Variants in PTPRQ observed in about 807,000 individuals in gnomAD.
PTPRQ encodes the protein phosphatidylinositol phosphatase PTPRQ.
A neutral mutation model predicts 246.0 loss-of-function variants in PTPRQ; 199 were observed. The ratio of observed to expected loss-of-function variants is 0.81; its 90% CI spans 0.72 to 0.91. The LOEUF is 0.91. PTPRQ is among the 40% of genes least tolerant of loss of function. The pLI, the probability that PTPRQ is intolerant of heterozygous loss-of-function variation, is 0.00. For missense variants in PTPRQ, 2,624 were observed against 2,528.4 expected (o/e 1.04, Z -0.81); for synonymous variants, 869 against 853.2 (o/e 1.02, Z -0.32).
At chr12:80,521,054 T>C (rs1221610481) in intron 17 of PTPRQ, among the ~76,000 whole-genome samples, 2 of 152,104 alleles carry the variant, frequency 1.3e-5, no homozygotes, top group Non-Finnish European at 2.9e-5. Flanking sequence ...ATCACCATTC[T>C]AACTGGTGTG....
At chr12:80,613,505 A>T in intron 28 of PTPRQ, 87 bp from the exon 29 acceptor site, 1 of 1,337,460 alleles carries the variant, frequency 7.5e-7, no homozygotes, top group Non-Finnish European at 1.0e-6. Context: ...ACTCTTTAAA[A>T]ACAGAAGTTC....
chr12:80,665,363 A>G (rs1342286299), intron 39 of PTPRQ, among the ~76,000 whole-genome samples: 1 of 152,046 alleles, frequency 6.6e-6, no homozygotes, highest in Non-Finnish European at 1.5e-5. Flanking sequence ...GATGTCATCC[A>G]ATTTTCATGA....
intron 38 of PTPRQ, among the ~76,000 whole-genome samples, chr12:80,655,771 A>T (rs1006138223): frequency 6.6e-6 from 1 of 152,210 alleles, no homozygotes; most frequent in African/African-American, 2.4e-5. Context: ...TTTTAATAGA[A>T]TTTGAATTTT....
chr12:80,512,871 A>G (rs748031654), intron 17 of PTPRQ: 3 of 152,010 alleles, frequency 2.0e-5, no homozygotes, highest in Non-Finnish European at 4.4e-5. Context: ...GGGAATCTCA[A>G]ATCCGTGATA....
chr12:80,634,020 C>T (rs1039010322), intron 34 of PTPRQ, among the ~76,000 whole-genome samples: 1 of 152,218 alleles, frequency 6.6e-6, no homozygotes, highest in South Asian at 2.1e-4. Context: ...CCTCCTCCTT[C>T]TCATCCTGGG....
In PTPRQ at chr12:80,669,092, C is replaced by A. The variant is rs1900881207; in HGVS notation, c.6278C>A (p.Thr2093Asn). ...VGDFWRMVWE[T>N]RAKTLVMLTQ... ...GATTTTTGGAGAATGGTGTGGGAAA[C>A]CAGAGCAAAAACATTAGTAATGCTA... Residue 2093 changes from threonine to asparagine, a missense_variant, in exon 40 of 45, where the codon ACC (threonine) becomes AAC (asparagine). Physicochemically the swap from Thr to Asn is moderately conservative, Grantham distance 65 (BLOSUM62 0). Coordinates refer to ENST00000644991, the MANE Select transcript of PTPRQ (RefSeq NM_001145026.2). 4 of 1,550,000 alleles carry A rather than the reference C, an allele frequency of 2.6e-6. No homozygotes were observed. Among genetic ancestry groups the A allele is most frequent in the Non-Finnish European group, 3.5e-6 (4 of 1,145,962 alleles).
chr12:80,616,902 T>A (rs554936852), intron 30 of PTPRQ, among the ~76,000 whole-genome samples: 1 of 151,294 alleles, frequency 6.6e-6, no homozygotes, highest in East Asian at 2.0e-4. Flanking sequence ...CCTCTCTTCT[T>A]GAGAGTGAAA....
chr12:80,644,150 C>A (rs372120173), intron 35 of PTPRQ, among the ~76,000 whole-genome samples: 7 of 152,082 alleles, frequency 4.6e-5, no homozygotes, highest in African/African-American at 1.7e-4. Flanking sequence ...ATCACCACTG[C>A]CAACATAAAT....
At chr12:80,607,927 C>G (rs567674957) in intron 27 of PTPRQ, among the ~76,000 whole-genome samples, 3 of 150,896 alleles carry the variant, frequency 2.0e-5, no homozygotes, top group Admixed American at 1.3e-4. Flanking sequence ...TGTCAGGTAG[C>G]TCACACCCTA....
At chr12:80,547,557 AT>A (rs1484431581) in intron 24 of PTPRQ, among the ~76,000 whole-genome samples, 1 of 152,226 alleles carries the variant, frequency 6.6e-6, no homozygotes, top group East Asian at 1.9e-4. Flanking sequence ...TTTTTCGTGC[AT>A]TTCTGTAACA....
At chr12:80,661,373 A>G (rs1368786580) in intron 39 of PTPRQ, among the ~76,000 whole-genome samples, 1 of 149,960 alleles carries the variant, frequency 6.7e-6, no homozygotes, top group Non-Finnish European at 1.5e-5. Flanking sequence ...ATATGCATGT[A>G]TATAAATTCT....
chr12:80,594,945 C>G (rs1408859139), intron 26 of PTPRQ, among the ~76,000 whole-genome samples: 1 of 152,122 alleles, frequency 6.6e-6, no homozygotes, highest in East Asian at 1.9e-4. Context: ...AATCTTTGAT[C>G]ATTTTCTACA....
chr12:80,454,969 C>G (rs1424282880), intron 3 of PTPRQ, among the ~76,000 whole-genome samples: 4 of 152,230 alleles, frequency 2.6e-5, no homozygotes, highest in African/African-American at 9.6e-5. Flanking sequence ...CTGAGGAGTT[C>G]AAGACCAGCC....
chr12:80,589,028 T>C (rs1438209399), intron 26 of PTPRQ, among the ~76,000 whole-genome samples: 3 of 152,172 alleles, frequency 2.0e-5, no homozygotes, highest in Non-Finnish European at 2.9e-5. Context: ...ATACTTGAAA[T>C]TGTTTTGCCA....
chr12:80,645,492 T>C (rs1324494786), intron 35 of PTPRQ, among the ~76,000 whole-genome samples: 1 of 151,734 alleles, frequency 6.6e-6, no homozygotes, highest in Non-Finnish European at 1.5e-5. Flanking sequence ...AATTTTATAT[T>C]TGATATGTTT....
At chr12:80,493,225 C>A (rs1234604199) in intron 9 of PTPRQ, 50 bp from the exon 10 acceptor site, 5 of 1,366,774 alleles carry the variant, frequency 3.7e-6, no homozygotes, top group Admixed American at 3.3e-5. Context: ...TGATTTAAGT[C>A]ATGAAGTGTA....
At chr12:80,518,632 C>A (rs773895839) in intron 17 of PTPRQ, among the ~76,000 whole-genome samples, 3 of 152,126 alleles carry the variant, frequency 2.0e-5, no homozygotes, top group African/African-American at 7.2e-5. Flanking sequence ...AGTCTTTAAT[C>A]CATTTTGATT....
chr12:80,446,579 C>T (rs1448925917), intron 3 of PTPRQ, among the ~76,000 whole-genome samples: 13 of 151,774 alleles, frequency 8.6e-5, no homozygotes, highest in Non-Finnish European at 8.8e-5. Context: ...TCAATCCTCA[C>T]CCTCTCCTAC....
intron 28 of PTPRQ, among the ~76,000 whole-genome samples, chr12:80,612,999 A>C (rs1261601780): frequency 6.6e-6 from 1 of 150,540 alleles, no homozygotes; most frequent in African/African-American, 2.4e-5. Flanking sequence ...GGATACTAGG[A>C]GAGAGTTTCT....
Sources: allele counts gnomAD v4.1 joint callset (sites outside exome capture counted in the v4.1 genomes callset), GRCh38; gene constraint gnomAD v4.1.1; transcripts MANE v1.5; gene names NCBI Gene and HGNC (gene_info 2026-07-23, HGNC 2026-07-21).